CDH12: variants seen among roughly 807,000 people sequenced by gnomAD.
CDH12 encodes the protein cadherin-12.
CDH12 carries 41 observed loss-of-function variants against 74.1 expected under a neutral mutation model. The observed-to-expected ratio is 0.55, with a 90% confidence interval of 0.43 to 0.72. CDH12 has a LOEUF of 0.72. Ranked by LOEUF, CDH12 falls within the 30% of genes least tolerant of loss-of-function variation. The probability of loss-of-function intolerance (pLI) is 0.00; values close to 1 mark genes in which losing one functional copy is unlikely to be tolerated. For missense variants in CDH12, 945 were observed against 977.2 expected, an observed-to-expected ratio of 0.97 and a Z score of 0.44; for synonymous variants, 399 against 355.0, an observed-to-expected ratio of 1.12 and a Z score of -1.39.
chr5:22,264,681 C>T (rs964545273), intron 3 of CDH12, among the ~76,000 whole-genome samples: 6 of 152,146 alleles, frequency 3.9e-5, no homozygotes, highest in African/African-American at 1.4e-4. Flanking sequence ...AAGAGCCTGA[C>T]AACAAATCAC....
intron 2 of CDH12, among the ~76,000 whole-genome samples, chr5:22,463,140 A>G (rs76642476): frequency 0.014 from 2,070 of 152,312 alleles, 56 homozygotes; most frequent in African/African-American, 0.047. Context: ...AATAATGAGT[A>G]ATTCTTTTTA....
chr5:21,965,266 A>C (rs1756528798), intron 6 of CDH12, among the ~76,000 whole-genome samples: 1 of 152,026 alleles, frequency 6.6e-6, no homozygotes, highest in South Asian at 2.1e-4. Flanking sequence ...TTTCACTGTC[A>C]AACAAAATGT....
intron 1 of CDH12, among the ~76,000 whole-genome samples, chr5:22,660,428 G>A (rs773955485): frequency 2.6e-5 from 4 of 152,092 alleles, no homozygotes; most frequent in Non-Finnish European, 5.9e-5. Context: ...TAATTACTAC[G>A]TTTAATCTCT....
chr5:22,493,588 T>G (rs1746979892), intron 2 of CDH12, among the ~76,000 whole-genome samples: 1 of 143,690 alleles, frequency 7.0e-6, no homozygotes, highest in Non-Finnish European at 1.5e-5. Context: ...TTTTTTTTTT[T>G]GTCCTTACTT....
At chr5:21,819,593 AT>A (rs1004974718) in intron 8 of CDH12, among the ~76,000 whole-genome samples, 25 of 151,920 alleles carry the variant, frequency 1.6e-4, no homozygotes, top group Admixed American at 6.6e-4. Context: ...AAAAGTCTAA[AT>A]TTTTTTTCTA....
intron 6 of CDH12, among the ~76,000 whole-genome samples, chr5:21,873,124 A>G (rs935139259): frequency 6.6e-6 from 1 of 152,138 alleles, no homozygotes; most frequent in African/African-American, 2.4e-5. Context: ...TAATGATAAT[A>G]TAATTTTAGT....
At chr5:21,766,633 G>T (rs1039617289) in intron 11 of CDH12, among the ~76,000 whole-genome samples, 6 of 151,868 alleles carry the variant, frequency 4.0e-5, no homozygotes, top group African/African-American at 1.2e-4. Context: ...CTTTGTGGAG[G>T]TGATCAAGAT....
At chr5:22,301,016 T>C (rs1398837433) in intron 3 of CDH12, among the ~76,000 whole-genome samples, 1 of 152,186 alleles carries the variant, frequency 6.6e-6, no homozygotes, top group Non-Finnish European at 1.5e-5. Context: ...CTAACCTTGA[T>C]CATAAAATAA....
chr5:22,106,635 G>C (rs1744458511), intron 4 of CDH12, among the ~76,000 whole-genome samples: 1 of 152,140 alleles, frequency 6.6e-6, no homozygotes, highest in Admixed American at 6.6e-5. Flanking sequence ...AACTGAGACA[G>C]AAAAGAATTC....
At chr5:21,888,222 C>A (rs1752732235) in intron 6 of CDH12, among the ~76,000 whole-genome samples, 1 of 152,150 alleles carries the variant, frequency 6.6e-6, no homozygotes, top group African/African-American at 2.4e-5. Flanking sequence ...ACGCTTTTCT[C>A]TCCTTTTTCC....
At chr5:22,196,761 C>T (rs1002565359) in intron 4 of CDH12, among the ~76,000 whole-genome samples, 6 of 152,152 alleles carry the variant, frequency 3.9e-5, no homozygotes, top group Non-Finnish European at 7.4e-5. Context: ...CCTGTGTTCT[C>T]CTTTCAATCT....
intron 10 of CDH12, 94 bp downstream of exon 10, chr5:21,802,073 A>T: frequency 1.0e-6 from 1 of 1,001,160 alleles, no homozygotes; most frequent in Non-Finnish European, 1.5e-6. Context: ...TTAAATCATC[A>T]TGCAGTTTTG....
intron 11 of CDH12, among the ~76,000 whole-genome samples, chr5:21,778,492 C>T (rs1368529246): frequency 6.4e-5 from 5 of 78,704 alleles, no homozygotes; most frequent in Non-Finnish European, 1.3e-4. Flanking sequence ...AAAAAAAAAA[C>T]TTCAGACGAT....
chr5:22,406,650 T>A (rs1240893263), intron 2 of CDH12, among the ~76,000 whole-genome samples: 1 of 152,118 alleles, frequency 6.6e-6, no homozygotes, highest in African/African-American at 2.4e-5. Flanking sequence ...ATGATCCAAA[T>A]TAACATATTT....
chr5:22,208,642 G>T (rs1751360737), intron 4 of CDH12, among the ~76,000 whole-genome samples: 1 of 152,144 alleles, frequency 6.6e-6, no homozygotes, highest in Admixed American at 6.5e-5. Context: ...TATTGGCATG[G>T]TTCTCCTGGA....
chr5:22,383,542 T>C (rs1741858215), intron 3 of CDH12, among the ~76,000 whole-genome samples: 1 of 152,186 alleles, frequency 6.6e-6, no homozygotes, highest in Admixed American at 6.5e-5. Context: ...TTGGTTGAAG[T>C]ATAGAACACA....
intron 3 of CDH12, among the ~76,000 whole-genome samples, chr5:22,263,184 T>A (rs1753586342): frequency 6.6e-6 from 1 of 152,138 alleles, no homozygotes; most frequent in Non-Finnish European, 1.5e-5. Flanking sequence ...AGAAGTGAAT[T>A]TATATGATTA....
At position 22,550,935 on chromosome 5, in the gene CDH12, C is replaced by T. The variant is rs184502511; in HGVS notation, c.-522-45571G>A. Among the ~76,000 whole-genome samples the T allele has an allele frequency of 2.6e-5, 4 of 152,218 alleles. No homozygotes were observed. In the East Asian group the frequency reaches 7.7e-4, roughly 29 times the overall value. ...CTCAAAATTGCTTGGGTGATAATTGCACCTAAGAGTAAACTTAGCTGTTTT... is the reference window on the plus strand; with the variant it reads ...CTCAAAATTGCTTGGGTGATAATTGTACCTAAGAGTAAACTTAGCTGTTTT... On this transcript the variant is annotated intron_variant, in intron 1 of 14. Coordinates refer to ENST00000382254, the MANE Select transcript of CDH12 (RefSeq NM_004061.5).
Position 22,190,261 on chromosome 5 carries a change from T to C in CDH12, c.-187+22237A>G, listed in dbSNP as rs560686371. 8.3e-4 allele frequency among the ~76,000 whole-genome samples: 127 copies of C among 152,152 alleles called. 1 individual carries two copies. The highest frequency in any genetic ancestry group is 2.9e-3 in the African/African-American group (119 of 41,538). On this transcript the variant is annotated intron_variant, in intron 4 of 14. Transcript: ENST00000382254. ...GAAAAAATAAATATGACACTACATA[T>C]AGACACACAATTTTCATTTTTCAAG...
Sources: allele counts gnomAD v4.1 joint callset (sites outside exome capture counted in the v4.1 genomes callset), GRCh38; gene constraint gnomAD v4.1.1; transcripts MANE v1.5; gene names NCBI Gene and HGNC (gene_info 2026-07-23, HGNC 2026-07-21).